The following LONP2 variants were observed in gnomAD, a reference collection of about 807,000 sequenced individuals.
LONP2 encodes lon peptidase 2, peroxisomal.
In LONP2, 60 loss-of-function variants were observed where a neutral mutation model predicts 85.6. The ratio of observed to expected loss-of-function variants is 0.70; its 90% CI spans 0.57 to 0.87. The LOEUF (loss-of-function observed/expected upper bound fraction) is 0.87, where lower values mean the gene tolerates loss of function less well. Ranked by LOEUF, LONP2 falls within the 40% of genes least tolerant of loss-of-function variation. The probability of loss-of-function intolerance (pLI) is 0.00; values close to 1 mark genes in which losing one functional copy is unlikely to be tolerated. For missense variants in LONP2, 860 were observed against 1,063.5 expected, an observed-to-expected ratio of 0.81 and a Z score of 2.66; for synonymous variants, 395 against 389.7, an observed-to-expected ratio of 1.01 and a Z score of -0.16.
chr16:48,272,786 A>G (rs1479650591), intron 7 of LONP2, among the ~76,000 whole-genome samples: 1 of 152,192 alleles, frequency 6.6e-6, no homozygotes, highest in African/African-American at 2.4e-5. Context: ...TGTTGGGGAC[A>G]TATTACCCAT....
At chr16:48,310,641 C>T (rs117122094) in intron 11 of LONP2, among the ~76,000 whole-genome samples, 63 of 152,282 alleles carry the variant, frequency 4.1e-4, no homozygotes, top group African/African-American at 1.3e-3. Flanking sequence ...CGTGAACCAC[C>T]GCAACCAGCC....
intron 1 of LONP2, among the ~76,000 whole-genome samples, chr16:48,249,809 C>G (rs1971584118): frequency 6.6e-6 from 1 of 152,154 alleles, no homozygotes; most frequent in Non-Finnish European, 1.5e-5. Flanking sequence ...ACATCTGTAC[C>G]TTTTGTAGGC....
chr16:48,276,050 C>T (rs1030132848), intron 7 of LONP2, among the ~76,000 whole-genome samples: 1 of 152,138 alleles, frequency 6.6e-6, no homozygotes, highest in Non-Finnish European at 1.5e-5. Flanking sequence ...TTCCCTACCA[C>T]TCTTAAAAAT....
intron 6 of LONP2, among the ~76,000 whole-genome samples, chr16:48,264,700 A>G (rs1266115576): frequency 2.6e-5 from 4 of 152,250 alleles, no homozygotes; most frequent in Non-Finnish European, 2.9e-5. Context: ...ATAAGTGTCC[A>G]TGAAATCTTT....
chr16:48,324,779 C>G (rs903980818), intron 11 of LONP2, among the ~76,000 whole-genome samples: 21 of 151,974 alleles, frequency 1.4e-4, no homozygotes, highest in Non-Finnish European at 2.4e-4. Context: ...GATACGGAAA[C>G]TGGGGCCCCA....
intron 9 of LONP2, among the ~76,000 whole-genome samples, chr16:48,298,626 G>GGGGTGTGTGTGTGTGTGT (rs565121093): frequency 1.0e-4 from 14 of 134,392 alleles, no homozygotes; most frequent in African/African-American, 3.6e-4. Flanking sequence ...ATTTAATTGA[G>GGGGTGTGTGTGTGTGTGT]GTGTGTGTGT....
At chr16:48,302,626 T>A (rs1161070994) in intron 10 of LONP2, among the ~76,000 whole-genome samples, 1 of 152,238 alleles carries the variant, frequency 6.6e-6, no homozygotes, top group Admixed American at 6.5e-5. Flanking sequence ...CTGTCATCAC[T>A]TAGCATACCT....
intron 11 of LONP2, among the ~76,000 whole-genome samples, chr16:48,331,689 C>T (rs1024099710): frequency 1.3e-5 from 2 of 151,896 alleles, no homozygotes; most frequent in Admixed American, 6.6e-5. Flanking sequence ...CTCAGCCTCC[C>T]GAGTAGCTGG....
intron 11 of LONP2, among the ~76,000 whole-genome samples, chr16:48,316,268 A>G (rs1304601975): frequency 6.6e-6 from 1 of 150,530 alleles, no homozygotes; most frequent in Non-Finnish European, 1.5e-5. Flanking sequence ...CTGCCTGCCA[A>G]AGTGCAAAGT....
intron 12 of LONP2, among the ~76,000 whole-genome samples, chr16:48,340,980 C>T (rs1189850299): frequency 6.6e-6 from 1 of 151,776 alleles, no homozygotes; most frequent in African/African-American, 2.4e-5. Flanking sequence ...AATTGGCTCA[C>T]GGTTCTGAAG....
chr16:48,265,539 A>G (rs1025506712), intron 6 of LONP2, among the ~76,000 whole-genome samples: 1 of 108,608 alleles, frequency 9.2e-6, no homozygotes, highest in Non-Finnish European at 2.1e-5. Context: ...AGGTAACTTT[A>G]TAGGTTTATT....
At chr16:48,325,203 A>C (rs756163508) in intron 11 of LONP2, among the ~76,000 whole-genome samples, 6 of 152,148 alleles carry the variant, frequency 3.9e-5, no homozygotes, top group Non-Finnish European at 4.4e-5. Flanking sequence ...AGCTCCTATG[A>C]GAATCTAATG....
rs1035654709 is a variant in LONP2, at chr16:48,263,026, G to A, written c.982+154G>A. 4.6e-5 allele frequency among the ~76,000 whole-genome samples: 7 copies of A among 152,020 alleles called. 1 individual carries two copies. Among genetic ancestry groups the A allele is most frequent in the Non-Finnish European group, 2.9e-5 (2 of 67,976 alleles). The stretch of plus-strand genomic sequence containing the variant: ...ACCATTTTATTGAAGTGTGATTGTC[G>A]TACAAAAAGCTGTATATAATTAATG... On this transcript the variant is annotated intron_variant, in intron 6 of 14. Coordinates refer to ENST00000285737, the MANE Select transcript of LONP2 (RefSeq NM_031490.5).
chr16:48,358,035 G>A (rs759333692), downstream of LONP2, among the ~76,000 whole-genome samples: 9 of 152,278 alleles, frequency 5.9e-5, no homozygotes, highest in South Asian at 2.1e-4. Context: ...GGAAGTCTTC[G>A]TTATAACAAG....
At chr16:48,308,564 G>T (rs1972960942) in intron 11 of LONP2, among the ~76,000 whole-genome samples, 1 of 150,908 alleles carries the variant, frequency 6.6e-6, no homozygotes, top group Non-Finnish European at 1.5e-5. Context: ...GAGGCGGATG[G>T]TGCAGTGAGC....
chr16:48,244,312 T>C lies in LONP2; in HGVS notation c.-77T>C. On this transcript the variant is annotated 5_prime_UTR_variant, in exon 1 of 15. Coordinates refer to ENST00000285737, the MANE Select transcript of LONP2 (RefSeq NM_031490.5). ...GAGGCGTGGAGGCGGGTCTGAGGTT[T>C]GGTGACTGCGGGGCAGGCCGGGGGC... 8.9e-7 allele frequency: 1 copy of C among 1,119,540 alleles called. No homozygotes were observed. 69.4% of individuals were successfully genotyped at this position (1,119,540 alleles called of 1,614,324 possible). A position where few individuals can be genotyped will look rare whatever the true frequency, so the allele number is the denominator to read the frequency against.
At chr16:48,295,343 A>G (rs1972645747) in intron 8 of LONP2, among the ~76,000 whole-genome samples, 1 of 152,140 alleles carries the variant, frequency 6.6e-6, no homozygotes, top group South Asian at 2.1e-4. Context: ...CTGCACTCCA[A>G]CCTGGGCAAC....
At chr16:48,296,348 A>G (rs1404933593) in intron 9 of LONP2, among the ~76,000 whole-genome samples, 183 bp downstream of exon 9, 1 of 152,252 alleles carries the variant, frequency 6.6e-6, no homozygotes, top group Non-Finnish European at 1.5e-5. Context: ...CAAAACAGCA[A>G]ACGTTGACAA....
intron 11 of LONP2, among the ~76,000 whole-genome samples, chr16:48,311,175 CT>C (rs1372052293): frequency 6.6e-6 from 1 of 152,096 alleles, no homozygotes; most frequent in African/African-American, 2.4e-5. Flanking sequence ...TGTTGAGCGT[CT>C]TGTATCTGGA....
Sources: allele counts gnomAD v4.1 joint callset (sites outside exome capture counted in the v4.1 genomes callset), GRCh38; gene constraint gnomAD v4.1.1; transcripts MANE v1.5; gene names NCBI Gene and HGNC (gene_info 2026-07-23, HGNC 2026-07-21).